Variants in SLC38A6 observed in about 807,000 individuals in gnomAD.
The protein encoded by SLC38A6 is N system amino acid transporter NAT-1.
SLC38A6 carries 73 observed loss-of-function variants against 65.0 expected under a neutral mutation model. That is an observed-to-expected ratio of 1.12 (90% CI 0.93 to 1.37). The LOEUF (loss-of-function observed/expected upper bound fraction) is 1.37. Ranked by LOEUF, SLC38A6 falls within the 40% of genes most tolerant of loss-of-function variation. The probability of loss-of-function intolerance (pLI) is 0.00; values close to 1 mark genes in which losing one functional copy is unlikely to be tolerated. For missense variants in SLC38A6, 561 were observed against 531.1 expected (o/e 1.06, Z -0.55); for synonymous variants, 183 against 178.8 (o/e 1.02, Z -0.19).
chr14:61,065,736 A>G (rs1216413862), intron 15 of SLC38A6, among the ~76,000 whole-genome samples: 1 of 152,206 alleles, frequency 6.6e-6, no homozygotes, highest in Non-Finnish European at 1.5e-5. Context: ...CTTAACACAA[A>G]TGAAATGGCA....
intron 5 of SLC38A6, among the ~76,000 whole-genome samples, chr14:61,022,083 T>C (rs566063412): frequency 6.6e-6 from 1 of 152,266 alleles, no homozygotes; most frequent in East Asian, 1.9e-4. Context: ...TACCCCAAAA[T>C]TTGAATTCAA....
At chr14:61,006,936 A>G (rs1464628143) in intron 3 of SLC38A6, among the ~76,000 whole-genome samples, 1 of 152,256 alleles carries the variant, frequency 6.6e-6, no homozygotes. Context: ...ATGTCCAACA[A>G]TGATAGAGTG....
At chr14:61,077,236 A>G (rs558920873) in intron 15 of SLC38A6, among the ~76,000 whole-genome samples, 1 of 152,342 alleles carries the variant, frequency 6.6e-6, no homozygotes, top group Admixed American at 6.5e-5. Context: ...ACACTTGGAA[A>G]CTATCAGTCT....
intron 15 of SLC38A6, among the ~76,000 whole-genome samples, chr14:61,073,434 A>G (rs1277915986): frequency 6.6e-6 from 1 of 152,170 alleles, no homozygotes; most frequent in Non-Finnish European, 1.5e-5. Flanking sequence ...TTAAATTTCA[A>G]CGTGAGTTTT....
chr14:60,986,231 A>G (rs2037440481), intron 3 of SLC38A6, among the ~76,000 whole-genome samples: 1 of 152,254 alleles, frequency 6.6e-6, no homozygotes, highest in African/African-American at 2.4e-5. Context: ...AAACCTGTCC[A>G]TCATCAGAAA....
intron 6 of SLC38A6, among the ~76,000 whole-genome samples, chr14:61,031,397 A>G (rs1476415088): frequency 6.6e-6 from 1 of 152,146 alleles, no homozygotes; most frequent in Non-Finnish European, 1.5e-5. Flanking sequence ...TTTAGCTTTT[A>G]CATTTCAGCT....
At chr14:61,063,172 A>G (rs1431327698) in intron 15 of SLC38A6, among the ~76,000 whole-genome samples, 1 of 152,156 alleles carries the variant, frequency 6.6e-6, no homozygotes, top group Non-Finnish European at 1.5e-5. Context: ...ATTCTTAGCT[A>G]TGTTTTAATT....
intron 15 of SLC38A6, among the ~76,000 whole-genome samples, chr14:61,078,389 T>C (rs1460738399): frequency 1.3e-5 from 2 of 152,166 alleles, no homozygotes; most frequent in African/African-American, 2.4e-5. Flanking sequence ...AGGTATACTT[T>C]GGAGATGACA....
At chr14:61,053,224 A>T (rs1426819809), downstream of SLC38A6, among the ~76,000 whole-genome samples, 1 of 152,082 alleles carries the variant, frequency 6.6e-6, no homozygotes, top group Non-Finnish European at 1.5e-5. Context: ...TTATGGCTGC[A>T]TAGTATTCCA....
chr14:61,029,020 C>A (rs934574449), intron 5 of SLC38A6, among the ~76,000 whole-genome samples: 1 of 152,022 alleles, frequency 6.6e-6, no homozygotes, highest in Admixed American at 6.6e-5. Flanking sequence ...CAATTTTTCC[C>A]CAGATTTTTG....
intron 15 of SLC38A6, among the ~76,000 whole-genome samples, chr14:61,065,709 C>T (rs997659436): frequency 6.6e-6 from 1 of 152,152 alleles, no homozygotes; most frequent in African/African-American, 2.4e-5. Context: ...CATTTTAGGG[C>T]CTGGGAATAA....
intron 6 of SLC38A6, among the ~76,000 whole-genome samples, chr14:61,036,733 T>C (rs975443024): frequency 2.0e-5 from 3 of 152,202 alleles, no homozygotes; most frequent in Non-Finnish European, 4.4e-5. Context: ...AGGTAATTTA[T>C]ATAATTTGCA....
intron 2 of SLC38A6, 95 bp from the exon 3 acceptor site, chr14:60,984,635 A>G: frequency 3.2e-6 from 3 of 924,406 alleles, no homozygotes; most frequent in South Asian, 2.6e-5. Flanking sequence ...GTTCCTGTGA[A>G]TATTTGACTG....
intron 8 of SLC38A6, among the ~76,000 whole-genome samples, chr14:61,040,762 G>T (rs1382296149): frequency 6.6e-6 from 1 of 152,276 alleles, no homozygotes; most frequent in African/African-American, 2.4e-5. Flanking sequence ...GATTATAGGC[G>T]TGAGCCACTG....
Position 61,011,818 on chromosome 14 carries a change from A to G in SLC38A6, c.311-4086A>G, listed in dbSNP as rs538941306. Among the ~76,000 whole-genome samples the G allele has an allele frequency of 5.9e-5, 9 of 152,320 alleles. No homozygotes were observed. In the South Asian group the frequency reaches 1.5e-3, roughly 25 times the overall value. ...ATTGAGGATTTTTGCATCGATGTTC[A>G]TCAGGGATATTGGTCTAAAATTCTC... On this transcript the variant is annotated intron_variant, in intron 3 of 15. Transcript: ENST00000267488.
intron 3 of SLC38A6, among the ~76,000 whole-genome samples, chr14:60,992,380 A>G (rs945247555): frequency 1.3e-5 from 2 of 152,160 alleles, no homozygotes; most frequent in African/African-American, 4.8e-5. Context: ...CACCTCGTAC[A>G]TTCACCCAGT....
intron 3 of SLC38A6, among the ~76,000 whole-genome samples, chr14:61,015,103 C>T (rs1365522277): frequency 2.0e-5 from 3 of 152,182 alleles, no homozygotes; most frequent in East Asian, 1.9e-4. Flanking sequence ...CCCCCAGCCT[C>T]GCTGCAGCCT....
chr14:61,075,775 GTT>G (rs1204440791), intron 15 of SLC38A6, among the ~76,000 whole-genome samples: 3 of 120,268 alleles, frequency 2.5e-5, no homozygotes, highest in East Asian at 2.5e-4. Context: ...AGATCAACCT[GTT>G]TGTGTGTGTG....
At chr14:61,036,960 C>CTGTG (rs34977105) in intron 6 of SLC38A6, 99 bp from the exon 7 acceptor site, 138,929 of 434,468 alleles carry the variant, frequency 0.32, 13,451 homozygotes, top group Non-Finnish European at 0.35. Context: ...GGTTATAACT[C>CTGTG]TGTGTGTGTG....
Sources: gnomAD v4.1 joint callset for allele counts (sites outside exome capture counted in the v4.1 genomes callset) on GRCh38, gnomAD v4.1.1 for gene constraint, MANE v1.5 for transcripts, NCBI Gene and HGNC (gene_info 2026-07-23, HGNC 2026-07-21) for gene names.